COL23A1: variants seen among roughly 807,000 people sequenced by gnomAD.
The protein encoded by COL23A1 is collagen alpha-1(XXIII) chain.
A neutral mutation model predicts 99.3 loss-of-function variants in COL23A1; 97 were observed. The observed-to-expected ratio is 0.98, with a 90% confidence interval of 0.83 to 1.16. The LOEUF (loss-of-function observed/expected upper bound fraction) is 1.16. COL23A1 is among the 50% of genes most tolerant of loss of function. COL23A1 has a pLI of 0.00. For missense variants in COL23A1, 762 were observed against 757.4 expected, an observed-to-expected ratio of 1.01 and a Z score of -0.07; for synonymous variants, 320 against 308.2, an observed-to-expected ratio of 1.04 and a Z score of -0.40.
chr5:178,492,696 C>T (rs775950367), intron 2 of COL23A1, among the ~76,000 whole-genome samples: 4 of 151,378 alleles, frequency 2.6e-5, no homozygotes, highest in Non-Finnish European at 5.9e-5. Flanking sequence ...TCCACGTACA[C>T]GAAATGTCCA....
At chr5:178,584,418 T>G (rs906609196) in intron 1 of COL23A1, among the ~76,000 whole-genome samples, 5 of 152,026 alleles carry the variant, frequency 3.3e-5, no homozygotes, top group Non-Finnish European at 5.9e-5. Context: ...TCCAAACTGG[T>G]CTTGAACTCC....
At chr5:178,580,813 A>T (rs1763626065) in intron 1 of COL23A1, among the ~76,000 whole-genome samples, 1 of 152,198 alleles carries the variant, frequency 6.6e-6, no homozygotes, top group Non-Finnish European at 1.5e-5. Flanking sequence ...TGAGTCCAGC[A>T]GTGAAAGACC....
Position 178,263,203 on chromosome 5 carries a change from C to G in COL23A1, c.639+5G>C. On this transcript the variant is annotated splice_donor_5th_base_variant and intron_variant, in intron 9 of 28. Coordinates refer to ENST00000390654, the MANE Select transcript of COL23A1 (RefSeq NM_173465.4). Reference sequence around the variant, plus strand: ...TGCGTGGCCCAACTCCATGCCCTCTCTTACCGCTGGGCCTTGTGCTCCCCT... The same window carrying G: ...TGCGTGGCCCAACTCCATGCCCTCTGTTACCGCTGGGCCTTGTGCTCCCCT... 6.2e-7 allele frequency: 1 copy of G among 1,609,440 alleles called. No individual in the cohort carries two copies. Among genetic ancestry groups the G allele is most frequent in the Non-Finnish European group, 8.5e-7 (1 of 1,175,856 alleles).
chr5:178,331,501 C>A (rs1342327211), intron 2 of COL23A1, among the ~76,000 whole-genome samples: 2 of 152,230 alleles, frequency 1.3e-5, no homozygotes, highest in Non-Finnish European at 2.9e-5. Flanking sequence ...CCCTGCATAG[C>A]AGGCACCCGG....
intron 3 of COL23A1, among the ~76,000 whole-genome samples, chr5:178,303,585 ACT>A (rs916041455): frequency 1.3e-5 from 2 of 152,064 alleles, no homozygotes; most frequent in Non-Finnish European, 2.9e-5. Context: ...CAGATAAAAG[ACT>A]CTAGCACAGA....
intron 1 of COL23A1, among the ~76,000 whole-genome samples, chr5:178,587,310 A>G (rs1238559730): frequency 6.6e-6 from 1 of 152,184 alleles, no homozygotes; most frequent in African/African-American, 2.4e-5. Context: ...TTTAATGATC[A>G]TGAGTTGACA....
At chr5:178,585,130 G>A (rs1440159305) in intron 1 of COL23A1, among the ~76,000 whole-genome samples, 1 of 152,152 alleles carries the variant, frequency 6.6e-6, no homozygotes, top group African/African-American at 2.4e-5. Flanking sequence ...AAATTTTGTG[G>A]TTGAAGAATG....
In COL23A1 at chr5:178,415,646, G is replaced by T. The variant is rs1228269698; in HGVS notation, c.362-108727C>A. On this transcript the variant is annotated intron_variant, in intron 2 of 28. Transcript: ENST00000390654. This position sits in a 1 kb window ranked among gnomAD's most constrained non-coding sequence, Gnocchi z 4.6. ...CCCGCCCTGGCTCCATGAGGGCAAG[G>T]GGACTGTGCGGGCGGCGGTGAGGTG... is the stretch of plus-strand genomic sequence containing the variant. Among the ~76,000 whole-genome samples, 1 of 152,240 alleles carries T rather than the reference G, an allele frequency of 6.6e-6. No individual in the cohort carries two copies. The highest frequency in any genetic ancestry group is 1.5e-5 in the Non-Finnish European group (1 of 68,038).
chr5:178,467,814 A>G (rs749805029), intron 2 of COL23A1, among the ~76,000 whole-genome samples: 2 of 152,196 alleles, frequency 1.3e-5, no homozygotes, highest in Non-Finnish European at 2.9e-5. Context: ...ATAGAAAGAA[A>G]CTCTAAAAAT....
chr5:178,311,816 C>T (rs1448039794), intron 2 of COL23A1, among the ~76,000 whole-genome samples: 5 of 149,420 alleles, frequency 3.3e-5, no homozygotes, highest in Non-Finnish European at 5.9e-5. Flanking sequence ...CCGCAACCTC[C>T]GCCTCCCAGG....
chr5:178,541,562 G>A (rs767729807), intron 2 of COL23A1, among the ~76,000 whole-genome samples: 5 of 152,196 alleles, frequency 3.3e-5, no homozygotes, highest in South Asian at 2.1e-4. Flanking sequence ...GTGACAGAGT[G>A]AGACTCTGTC....
At chr5:178,300,242 T>A (rs1272905000) in intron 3 of COL23A1, among the ~76,000 whole-genome samples, 4 of 151,548 alleles carry the variant, frequency 2.6e-5, no homozygotes, top group South Asian at 4.2e-4. Context: ...GCTAATTTTT[T>A]GTATTTTTTT....
intron 2 of COL23A1, among the ~76,000 whole-genome samples, chr5:178,444,167 C>T (rs1043515653): frequency 2.6e-5 from 4 of 152,046 alleles, no homozygotes; most frequent in South Asian, 2.1e-4. Flanking sequence ...GATTGCACCA[C>T]GGCCGGGGTT....
intron 2 of COL23A1, among the ~76,000 whole-genome samples, chr5:178,346,771 G>A (rs1042752089): frequency 2.6e-5 from 4 of 152,200 alleles, no homozygotes; most frequent in African/African-American, 9.7e-5. Context: ...CGTAGCAACA[G>A]CTAACTTGTT....
chr5:178,347,423 CATGGGGGGAGGGGT>C lies in COL23A1; in HGVS notation c.362-40518_362-40505del, dbSNP rs537126296. Among the ~76,000 whole-genome samples, 522 of 147,516 alleles carry C rather than the reference CATGGGGGGAGGGGT, an allele frequency of 3.5e-3. 4 individuals are homozygous for C. The highest frequency in any genetic ancestry group is 0.012 in the African/African-American group (494 of 39,866). On this transcript the variant is annotated intron_variant, in intron 2 of 28. Transcript: ENST00000390654. ...GGGATGCCAGAGCCTGGGGGACGGGCATGGGGGGAGGGGTATGGGGAGGGATTGCCAGGGCTTCT... is the reference window on the plus strand; with the variant it reads ...GGGATGCCAGAGCCTGGGGGACGGGCATGGGGAGGGATTGCCAGGGCTTCT...
chr5:178,333,580 C>G (rs1760158191), intron 2 of COL23A1, among the ~76,000 whole-genome samples: 1 of 152,296 alleles, frequency 6.6e-6, no homozygotes, highest in East Asian at 1.9e-4. Context: ...TGAAAGGCAT[C>G]CCCTGCCTCC....
At chr5:178,578,063 GCACA>G (rs951809708) in intron 1 of COL23A1, among the ~76,000 whole-genome samples, 1 of 151,152 alleles carries the variant, frequency 6.6e-6, no homozygotes, top group Non-Finnish European at 1.5e-5. Context: ...ACACCCACAT[GCACA>G]CACACACTCA....
At chr5:178,483,139 A>G (rs957251366) in intron 2 of COL23A1, among the ~76,000 whole-genome samples, 1 of 152,236 alleles carries the variant, frequency 6.6e-6, no homozygotes, top group African/African-American at 2.4e-5. Flanking sequence ...CAAAATTTTA[A>G]AATGTGAATA....
chr5:178,454,917 C>G (rs766932868), intron 2 of COL23A1, among the ~76,000 whole-genome samples: 6 of 152,246 alleles, frequency 3.9e-5, no homozygotes, highest in Non-Finnish European at 8.8e-5. Context: ...TGGGCCTGCT[C>G]CCTCTGAGCC....
Sources: gnomAD v4.1 joint callset for allele counts (sites outside exome capture counted in the v4.1 genomes callset) on GRCh38, gnomAD v4.1.1 for gene constraint, Gnocchi (gnomAD v3.1) non-coding constraint, MANE v1.5 for transcripts, NCBI Gene and HGNC (gene_info 2026-07-23, HGNC 2026-07-21) for gene names.